CRYBG3: variants seen among roughly 807,000 people sequenced by gnomAD.
CRYBG3 encodes very large A-kinase anchor protein.
In CRYBG3, 127 loss-of-function variants were observed where a neutral mutation model predicts 244.2. The ratio of observed to expected loss-of-function variants is 0.52; its 90% confidence interval spans 0.45 to 0.60. The LOEUF (loss-of-function observed/expected upper bound fraction) is 0.60. Among genes scored for constraint, CRYBG3 ranks in the 20% least tolerant of loss-of-function variants. The pLI, the probability that CRYBG3 is intolerant of heterozygous loss-of-function variation, is 0.00. For missense variants in CRYBG3, 3,325 were observed against 3,442.5 expected, an observed-to-expected ratio of 0.97 and a Z score of 0.85; for synonymous variants, 1,132 against 1,195.8, an observed-to-expected ratio of 0.95 and a Z score of 1.10.
intron 12 of CRYBG3, among the ~76,000 whole-genome samples, chr3:97,897,215 T>C (rs567777192): frequency 6.6e-6 from 1 of 152,120 alleles, no homozygotes; most frequent in South Asian, 2.1e-4. Flanking sequence ...TATCCTAAAT[T>C]AATGGATACA....
intron 1 of CRYBG3, among the ~76,000 whole-genome samples, chr3:97,825,396 A>G (rs936705186): frequency 2.0e-5 from 3 of 152,196 alleles, no homozygotes; most frequent in Non-Finnish European, 2.9e-5. Context: ...TGGTAAGGTG[A>G]GAACAGTATT....
At chr3:97,878,279 C>T (rs762353446) in intron 4 of CRYBG3, among the ~76,000 whole-genome samples, 4 of 151,994 alleles carry the variant, frequency 2.6e-5, no homozygotes, top group Non-Finnish European at 4.4e-5. Flanking sequence ...GGCATGGTGG[C>T]GGGCGCCTGT....
intron 17 of CRYBG3, among the ~76,000 whole-genome samples, chr3:97,922,572 T>C (rs904836733): frequency 3.3e-5 from 5 of 151,926 alleles, no homozygotes; most frequent in African/African-American, 1.2e-4. Context: ...ATGCAGCCAA[T>C]AGACAAATGA....
At chr3:97,937,064 A>C (rs1466445793) in intron 19 of CRYBG3, among the ~76,000 whole-genome samples, 156 bp downstream of exon 19, 1 of 152,064 alleles carries the variant, frequency 6.6e-6, no homozygotes, top group African/African-American at 2.4e-5. Flanking sequence ...CATTTTAACC[A>C]ATTTGTAAGA....
rs1381310579 is a variant in CRYBG3, at chr3:97,886,679, T to C, written c.7201T>C (p.Cys2401Arg). Residue 2401 changes from cysteine (C) to arginine (R), a missense_variant, in exon 8 of 22, where the codon TGT (cysteine) becomes CGT (arginine). Physicochemically the swap from Cys to Arg is radical, Grantham distance 180. Transcript: ENST00000389622. ...IELFPQSDPA[C>R]CPVYIQRAVP... ...GCTTTTCCCACAATCTGACCCAGCC[T>C]GTTGTCCTGTCTACATACAGAGAGC... The C allele has an allele frequency of 6.2e-7, 1 of 1,612,030 alleles. No homozygotes were observed. Among genetic ancestry groups the C allele is most frequent in the East Asian group, 2.2e-5 (1 of 44,832 alleles).
At chr3:97,825,018 G>A (rs2038560101) in intron 1 of CRYBG3, among the ~76,000 whole-genome samples, 1 of 152,136 alleles carries the variant, frequency 6.6e-6, no homozygotes, top group South Asian at 2.1e-4. Flanking sequence ...AGAGAACTTA[G>A]GAAGAGAGAG....
At chr3:97,883,022 G>A (rs1010284505) in intron 7 of CRYBG3, among the ~76,000 whole-genome samples, 22 of 152,124 alleles carry the variant, frequency 1.4e-4, no homozygotes, top group African/African-American at 5.3e-4. Context: ...TGTGAGAAGC[G>A]TTCTCCAGGG....
chr3:97,898,702 T>A (rs908385753), intron 12 of CRYBG3, among the ~76,000 whole-genome samples, 181 bp from the exon 13 acceptor site: 2 of 152,200 alleles, frequency 1.3e-5, no homozygotes, highest in Non-Finnish European at 2.9e-5. Flanking sequence ...TTCAGGCTGA[T>A]TTTTTCCTTT....
intron 7 of CRYBG3, among the ~76,000 whole-genome samples, chr3:97,881,583 G>A (rs1404870052): frequency 1.3e-5 from 2 of 151,798 alleles, no homozygotes; most frequent in Non-Finnish European, 2.9e-5. Flanking sequence ...GGGCGTGGTG[G>A]TGCAAGTCTG....
At position 97,886,860 on chromosome 3, in the gene CRYBG3, T is replaced by C. The variant is rs1426768687; in HGVS notation, c.7289+93T>C. On this transcript the variant is annotated intron_variant, in intron 8 of 21. Coordinates refer to ENST00000389622, the MANE Select transcript of CRYBG3 (RefSeq NM_153605.4). ...ACATTTTTCTAAAGTTTCTAGCTAA[T>C]GTTTATACTCTCAGTCACCCAAGAA... 1.2e-5 allele frequency: 13 copies of C among 1,090,198 alleles called. No individual in the cohort carries two copies. In the South Asian group the frequency reaches 1.5e-4, roughly 12 times the overall value. 67.5% of individuals were successfully genotyped at this position (1,090,198 alleles called of 1,614,324 possible). A position where few individuals can be genotyped will look rare whatever the true frequency, so the allele number is the denominator to read the frequency against.
At chr3:97,924,324 T>G in intron 17 of CRYBG3, 2 of 402,010 alleles carry the variant, frequency 5.0e-6, no homozygotes, top group South Asian at 3.6e-5. Flanking sequence ...ACTTTACAAC[T>G]TAGAAGAAAA....
intron 3 of CRYBG3, 132 bp from the exon 4 acceptor site, chr3:97,871,710 G>GGAT: frequency 1.8e-6 from 1 of 566,190 alleles, no homozygotes; most frequent in African/African-American, 1.9e-5. Context: ...AAGCGTTCTA[G>GGAT]GATTTACTCC....
rs2039360293 is a variant in CRYBG3, at chr3:97,875,497, C to T, written c.4303C>T (p.Arg1435Trp). ...VLLAEDMSHK[R>W]LDDRVKTHLF... The stretch of plus-strand genomic sequence containing the variant: ...ACTAGCTGAAGACATGTCACATAAA[C>T]GGTTAGATGATAGGGTAAAAACACA... The change falls in exon 4 of 22, where the codon CGG becomes TGG. Residue 1435 changes from arginine to tryptophan, a missense_variant. By Grantham distance (101) the Arg-to-Trp change is moderately radical. Transcript: ENST00000389622. 16 of 1,288,586 alleles carry T rather than the reference C, an allele frequency of 1.2e-5. No homozygotes were observed. Among genetic ancestry groups the T allele is most frequent in the East Asian group, 9.0e-5 (3 of 33,408 alleles). The allele number at this position is 1,288,586 out of a possible 1,614,324, so 79.8% of individuals were successfully genotyped here.
rs831874 is a variant in CRYBG3 at position 97,919,348 on chromosome 3, T to C, written c.8241+3612T>C. Among the ~76,000 whole-genome samples the C allele has an allele frequency of 2.2e-3, 340 of 152,202 alleles. 2 individuals are homozygous for C. The East Asian group carries it at 0.025, about 11-fold the overall frequency. ...ATTTAATCATACTAAGACAGCTCTATGTAAGCATCTGGGAAAAATAATAAC... is the reference window on the plus strand; with the variant it reads ...ATTTAATCATACTAAGACAGCTCTACGTAAGCATCTGGGAAAAATAATAAC... On this transcript the variant is annotated intron_variant, in intron 17 of 21. Transcript: ENST00000389622.
intron 20 of CRYBG3, 112 bp from the exon 21 acceptor site, chr3:97,942,172 G>GAC (rs975957491): frequency 6.0e-6 from 5 of 835,260 alleles, no homozygotes; most frequent in Non-Finnish European, 8.8e-6. Flanking sequence ...TTTTAGATAA[G>GAC]ACACACACAC....
In CRYBG3 at chr3:97,874,663, G is replaced by T; in HGVS notation, c.3469G>T (p.Val1157Phe). ...TCTCGTGGAAGCAGAGACTGGAGCA[G>T]TTGCTGGGCCTGCAGCGTCAGTTAA... Reference protein sequence around the residue: ...DNLVEAETGAVAGPAASVNSS... With the variant: ...DNLVEAETGAFAGPAASVNSS... The change falls in exon 4 of 22, where the codon GTT (valine) becomes TTT (phenylalanine). Residue 1157 changes from valine (V) to phenylalanine (F), a missense_variant. Physicochemically the swap from Val to Phe is conservative, Grantham distance 50 (BLOSUM62 -1). Transcript: ENST00000389622. The T allele has an allele frequency of 6.5e-7, 1 of 1,536,000 alleles. No homozygotes were observed. The highest frequency in any genetic ancestry group is 8.7e-7 in the Non-Finnish European group (1 of 1,146,840).
chr3:97,907,204 T>C (rs1276159171), intron 15 of CRYBG3, among the ~76,000 whole-genome samples: 1 of 152,286 alleles, frequency 6.6e-6, no homozygotes, highest in East Asian at 1.9e-4. Flanking sequence ...GGTCTAAAAT[T>C]CTCTTTTTTT....
At chr3:97,892,164 G>T (rs1177343126) in intron 10 of CRYBG3, among the ~76,000 whole-genome samples, 1 of 152,074 alleles carries the variant, frequency 6.6e-6, no homozygotes, top group Admixed American at 6.6e-5. Context: ...TCAGTTGAAG[G>T]CTCTGCTCTT....
At chr3:97,880,602 T>G (rs1366771459) in intron 6 of CRYBG3, among the ~76,000 whole-genome samples, 1 of 152,250 alleles carries the variant, frequency 6.6e-6, no homozygotes, top group Non-Finnish European at 1.5e-5. Context: ...GAGCCAGAAT[T>G]TATCTGTCCA....
Sources: allele counts gnomAD v4.1 joint callset (sites outside exome capture counted in the v4.1 genomes callset), GRCh38; gene constraint gnomAD v4.1.1; transcripts MANE v1.5; gene names NCBI Gene and HGNC (gene_info 2026-07-23, HGNC 2026-07-21).